ARHGAP32: variants seen among roughly 807,000 people sequenced by gnomAD.
ARHGAP32 encodes the protein rho GTPase-activating protein 32.
Under a neutral mutation model 186.5 loss-of-function variants are expected in ARHGAP32, and 51 were observed. The observed-to-expected ratio is 0.27, with a 90% CI of 0.22 to 0.35. The LOEUF is 0.35. Ranked by LOEUF, ARHGAP32 falls within the 10% of genes least tolerant of loss-of-function variation. The pLI is 1.00. For missense variants in ARHGAP32, 2,186 were observed against 2,623.5 expected (o/e 0.83, Z 3.64); for synonymous variants, 950 against 964.3 (o/e 0.99, Z 0.27).
chr11:129,158,504 A>C (rs1460252573), intron 2 of ARHGAP32, among the ~76,000 whole-genome samples: 4 of 152,058 alleles, frequency 2.6e-5, no homozygotes, highest in East Asian at 1.9e-4. Context: ...TAACAAGAAG[A>C]AGCTAACTAT....
At chr11:129,081,335 C>A (rs1268036481) in intron 6 of ARHGAP32, among the ~76,000 whole-genome samples, 5 of 151,670 alleles carry the variant, frequency 3.3e-5, no homozygotes, top group African/African-American at 4.8e-5. Context: ...GACCAATATC[C>A]CTGAAGAACA....
chr11:129,075,072 A>C (rs1192631690), intron 6 of ARHGAP32, among the ~76,000 whole-genome samples: 1 of 152,186 alleles, frequency 6.6e-6, no homozygotes, highest in Non-Finnish European at 1.5e-5. Flanking sequence ...AACACACAAA[A>C]AGGAGACAAA....
chr11:129,121,076 G>GC (rs1226572228), intron 5 of ARHGAP32, among the ~76,000 whole-genome samples: 1 of 152,120 alleles, frequency 6.6e-6, no homozygotes, highest in African/African-American at 2.4e-5. Context: ...TAAAAAGCAA[G>GC]ATGTTTATAA....
intron 1 of ARHGAP32, among the ~76,000 whole-genome samples, chr11:129,198,038 A>C (rs1944416024): frequency 6.6e-6 from 1 of 152,224 alleles, no homozygotes; most frequent in South Asian, 2.1e-4. Flanking sequence ...GGTAACTTTA[A>C]ACATAACAGA....
chr11:129,191,670 GCACACACA>G (rs71057930), intron 1 of ARHGAP32, among the ~76,000 whole-genome samples: 5 of 148,132 alleles, frequency 3.4e-5, no homozygotes, highest in Non-Finnish European at 7.5e-5. Context: ...AGGCAGGCAC[GCACACACA>G]CACACACACA....
chr11:129,095,174 G>C (rs1414909565), intron 5 of ARHGAP32, among the ~76,000 whole-genome samples: 1 of 152,078 alleles, frequency 6.6e-6, no homozygotes, highest in Non-Finnish European at 1.5e-5. Context: ...AAATAATTAA[G>C]GGTGAAAAGA....
intron 1 of ARHGAP32, among the ~76,000 whole-genome samples, chr11:129,257,682 G>A (rs1363106734): frequency 7.4e-6 from 1 of 134,480 alleles, no homozygotes; most frequent in Non-Finnish European, 1.6e-5. Flanking sequence ...TCAGTTCTTA[G>A]AAGCAGTAAG....
At chr11:129,193,587 AAT>A (rs1283726957), upstream of ARHGAP32, among the ~76,000 whole-genome samples, 19 of 52,024 alleles carry the variant, frequency 3.7e-4, no homozygotes, top group South Asian at 3.2e-3. Context: ...TATATTATAT[AAT>A]ATATGTTATA....
At chr11:129,173,164 A>G (rs575585298) in intron 1 of ARHGAP32, among the ~76,000 whole-genome samples, 1 of 152,210 alleles carries the variant, frequency 6.6e-6, no homozygotes, top group Non-Finnish European at 1.5e-5. Context: ...AACTACCATC[A>G]GAGAATACTA....
At chr11:129,202,068 A>C (rs1944462626) in intron 1 of ARHGAP32, among the ~76,000 whole-genome samples, 1 of 152,094 alleles carries the variant, frequency 6.6e-6, no homozygotes, top group South Asian at 2.1e-4. Context: ...ATATATATAC[A>C]AGTACATATA....
At chr11:129,127,583 C>T (rs996580769) in intron 2 of ARHGAP32, among the ~76,000 whole-genome samples, 2 of 151,848 alleles carry the variant, frequency 1.3e-5, no homozygotes, top group African/African-American at 4.8e-5. Context: ...AAGGAAAATA[C>T]TGTACTATTA....
chr11:129,269,464 C>T (rs375076088), intron 1 of ARHGAP32, among the ~76,000 whole-genome samples: 4 of 152,218 alleles, frequency 2.6e-5, no homozygotes, highest in Middle Eastern at 3.4e-3. Context: ...CCATAACTCA[C>T]GCCTATAATC....
chr11:129,033,279 T>G (rs528555202), intron 11 of ARHGAP32, among the ~76,000 whole-genome samples: 1 of 152,228 alleles, frequency 6.6e-6, no homozygotes, highest in South Asian at 2.1e-4. Flanking sequence ...AATCTCTATA[T>G]ACATCTAAAA....
chr11:129,038,537 T>C (rs1235261974), intron 11 of ARHGAP32, among the ~76,000 whole-genome samples: 1 of 151,918 alleles, frequency 6.6e-6, no homozygotes, highest in Non-Finnish European at 1.5e-5. Context: ...GTGAAAATAT[T>C]TGTAAATCAT....
chr11:128,988,396 C>G (rs896608259), intron 12 of ARHGAP32, among the ~76,000 whole-genome samples: 3 of 152,154 alleles, frequency 2.0e-5, no homozygotes, highest in Non-Finnish European at 4.4e-5. Context: ...TTAGGACAGT[C>G]TTTCTTCTGC....
chr11:129,235,287 C>T (rs902251423), intron 1 of ARHGAP32, among the ~76,000 whole-genome samples: 2 of 152,270 alleles, frequency 1.3e-5, no homozygotes, highest in Non-Finnish European at 1.5e-5. Context: ...GCACCTGCCA[C>T]GAGCTCTACC....
intron 1 of ARHGAP32, among the ~76,000 whole-genome samples, chr11:129,275,027 C>A (rs1945514984): frequency 6.6e-6 from 1 of 152,074 alleles, no homozygotes; most frequent in Non-Finnish European, 1.5e-5. Context: ...ACAGAAGTAT[C>A]TTTCCACCCA....
At chr11:129,221,911 G>A (rs1360613648) in intron 1 of ARHGAP32, among the ~76,000 whole-genome samples, 3 of 151,980 alleles carry the variant, frequency 2.0e-5, no homozygotes, top group South Asian at 2.1e-4. Context: ...TGTTACTTGT[G>A]GACACTCGAA....
chr11:129,089,626 C>T (rs1415309514), intron 6 of ARHGAP32, among the ~76,000 whole-genome samples: 2 of 152,142 alleles, frequency 1.3e-5, no homozygotes, highest in African/African-American at 2.4e-5. Flanking sequence ...GTAGGACCCT[C>T]GTAGACCTCG....
Sources: gnomAD v4.1 joint callset for allele counts (sites outside exome capture counted in the v4.1 genomes callset) on GRCh38, gnomAD v4.1.1 for gene constraint, MANE v1.5 for transcripts, NCBI Gene and HGNC (gene_info 2026-07-23, HGNC 2026-07-21) for gene names.